PLAAT1: variants seen among roughly 807,000 people sequenced by gnomAD.
PLAAT1 encodes the protein phospholipase A and acyltransferase 1.
Under a neutral mutation model 16.4 loss-of-function variants are expected in PLAAT1, and 13 were observed. The ratio of observed to expected loss-of-function variants is 0.79; its 90% CI spans 0.52 to 1.26. The LOEUF is 1.26. Ranked by LOEUF, PLAAT1 falls within the 50% of genes most tolerant of loss-of-function variation. The pLI is 0.00. For missense variants in PLAAT1, 218 were observed against 207.8 expected, an observed-to-expected ratio of 1.05 and a Z score of -0.30; for synonymous variants, 73 against 78.4, an observed-to-expected ratio of 0.93 and a Z score of 0.36.
chr3:193,249,795 G>A (rs1716126697), intron 1 of PLAAT1, among the ~76,000 whole-genome samples: 1 of 151,234 alleles, frequency 6.6e-6, no homozygotes, highest in Non-Finnish European at 1.5e-5. Context: ...CCTCCTTATT[G>A]GTTTTTTCAT....
intron 2 of PLAAT1, among the ~76,000 whole-genome samples, chr3:193,258,874 A>C (rs1716481151): frequency 6.6e-6 from 1 of 152,130 alleles, no homozygotes; most frequent in Non-Finnish European, 1.5e-5. Flanking sequence ...CAAAAACCCC[A>C]GGAGGAGGGG....
upstream of PLAAT1, chr3:193,241,019 T>A (rs1416146174): frequency 7.8e-6 from 3 of 386,770 alleles, no homozygotes; most frequent in African/African-American, 2.1e-5. Flanking sequence ...GGGGGCGGAA[T>A]AACTGGTTGC....
rs1212871562 is a variant in PLAAT1 at position 193,255,756 on chromosome 3, G to T, written c.106G>T (p.Gly36Cys). ...PGYQHWALYL[G>C]DGYVINIAPV... ...CTATCAGCACTGGGCCCTGTACTTG[G>T]GTGATGGTTACGTTATCAACATAGC... Residue 36 changes from glycine to cysteine, a missense_variant, in exon 2 of 4, where the codon GGT (glycine) becomes TGT (cysteine). Transcript: ENST00000264735. 6.2e-7 allele frequency: 1 copy of T among 1,611,450 alleles called. No individual in the cohort carries two copies. The highest frequency in any genetic ancestry group is 1.7e-5 in the Admixed American group (1 of 59,852).
chr3:193,272,302 G>T (rs1351005092), downstream of PLAAT1, among the ~76,000 whole-genome samples: 1 of 152,022 alleles, frequency 6.6e-6, no homozygotes, highest in Non-Finnish European at 1.5e-5. Flanking sequence ...AATTAGCCAG[G>T]CGTGGTGGCG....
chr3:193,240,654 C>CGGGTGTGTGT, upstream of PLAAT1, among the ~76,000 whole-genome samples: 1 of 88,502 alleles, frequency 1.1e-5, no homozygotes, highest in Non-Finnish European at 2.2e-5. Flanking sequence ...GGCTATCTGG[C>CGGGTGTGTGT]GTGTGTGTGT....
intron 2 of PLAAT1, among the ~76,000 whole-genome samples, chr3:193,277,123 CTATG>C (rs1394785223): frequency 6.6e-6 from 1 of 152,118 alleles, no homozygotes; most frequent in Non-Finnish European, 1.5e-5. Flanking sequence ...ATTTTGGAGG[CTATG>C]TGTCTGTCTC....
At position 193,270,689 on chromosome 3, in the gene PLAAT1, G is replaced by C; in HGVS notation, c.491G>C (p.Arg164Thr). The C allele has an allele frequency of 1.1e-5, 17 of 1,613,152 alleles. No individual in the cohort carries two copies. The highest frequency in any genetic ancestry group is 1.2e-5 in the Non-Finnish European group (14 of 1,179,438). ...CTGGGCTTGTTTCCAAAAGGACAAAGAGCAAAATACTATTAACAATTTACC... is the reference window on the plus strand; with the variant it reads ...CTGGGCTTGTTTCCAAAAGGACAAACAGCAAAATACTATTAACAATTTACC... The part of the protein sequence containing the change: ...SFLGLFPKGQ[R>T]AKYY Residue 164 changes from arginine to threonine, a missense_variant, in exon 4 of 4, where the codon AGA (arginine) becomes ACA (threonine). Arg to Thr is a moderately conservative substitution (Grantham distance 71). Transcript: ENST00000264735.
upstream of PLAAT1, chr3:193,241,167 G>T (rs529848822): frequency 2.2e-5 from 27 of 1,200,880 alleles, no homozygotes; most frequent in African/African-American, 3.9e-4. Context: ...GCCAAGCGAG[G>T]TCTAGCCGGA....
In PLAAT1 at chr3:193,255,739, A is replaced by G. The variant is rs1716350137; in HGVS notation, c.89A>G (p.His30Arg). 1.2e-6 allele frequency: 2 copies of G among 1,613,170 alleles called. No individual in the cohort carries two copies. The highest frequency in any genetic ancestry group is 2.2e-5 in the South Asian group (2 of 90,916). Residue 30 changes from histidine (H) to arginine (R), a missense_variant, in exon 2 of 4, where the codon CAC becomes CGC. By Grantham distance (29) the His-to-Arg change is conservative. Coordinates refer to ENST00000264735, the MANE Select transcript of PLAAT1 (RefSeq NM_020386.5). ...LIEVFRPGYQHWALYLGDGYV... is the reference protein window; with the variant it reads ...LIEVFRPGYQRWALYLGDGYV... ...GAAGTGTTCCGTCCTGGCTATCAGCACTGGGCCCTGTACTTGGGTGATGGT... is the reference window on the plus strand; with the variant it reads ...GAAGTGTTCCGTCCTGGCTATCAGCGCTGGGCCCTGTACTTGGGTGATGGT...
At chr3:193,275,128 C>T, downstream of PLAAT1, 1 of 1,614,200 alleles carries the variant, frequency 6.2e-7, no homozygotes, top group Non-Finnish European at 8.5e-7. Flanking sequence ...CTTTCATAGC[C>T]TCCGTTGATG....
chr3:193,278,282 A>G (rs1163457275), downstream of PLAAT1, among the ~76,000 whole-genome samples: 1 of 152,166 alleles, frequency 6.6e-6, no homozygotes, highest in Non-Finnish European at 1.5e-5. Context: ...TCTCACATGT[A>G]GTCTTCCTGC....
At chr3:193,275,337 G>A, downstream of PLAAT1, 3 of 1,603,914 alleles carry the variant, frequency 1.9e-6, no homozygotes. Flanking sequence ...TCAATTTATT[G>A]CGCAGGTCCC....
At chr3:193,248,519 A>G (rs909565510) in intron 1 of PLAAT1, among the ~76,000 whole-genome samples, 3 of 151,924 alleles carry the variant, frequency 2.0e-5, no homozygotes, top group Non-Finnish European at 2.9e-5. Context: ...TTCCTTTGCA[A>G]TTTAATGATT....
chr3:193,262,963 T>C lies in PLAAT1; in HGVS notation c.140-7T>C, dbSNP rs1310587964. ...TATACCTTACTAACCAGAATTCTAC[T>C]TTATAGATGGCATTCCTGCGTCCTT... is the stretch of plus-strand genomic sequence containing the variant. On this transcript the variant is annotated splice_polypyrimidine_tract_variant and splice_region_variant and intron_variant, in intron 2 of 3. Coordinates refer to ENST00000264735, the MANE Select transcript of PLAAT1 (RefSeq NM_020386.5). 6.2e-7 allele frequency: 1 copy of C among 1,614,010 alleles called. No individual in the cohort carries two copies. The highest frequency in any genetic ancestry group is 2.2e-5 in the East Asian group (1 of 44,888).
At position 193,255,743 on chromosome 3, in the gene PLAAT1, G is replaced by C; in HGVS notation, c.93G>C (p.Trp31Cys). The change falls in exon 2 of 4, where the codon TGG becomes TGC. Residue 31 changes from tryptophan to cysteine, a missense_variant. Coordinates refer to ENST00000264735, the MANE Select transcript of PLAAT1 (RefSeq NM_020386.5). Reference sequence around the variant, plus strand: ...TGTTCCGTCCTGGCTATCAGCACTGGGCCCTGTACTTGGGTGATGGTTACG... The same window carrying C: ...TGTTCCGTCCTGGCTATCAGCACTGCGCCCTGTACTTGGGTGATGGTTACG... ...IEVFRPGYQHWALYLGDGYVI... is the reference protein window; with the variant it reads ...IEVFRPGYQHCALYLGDGYVI... The C allele has an allele frequency of 6.2e-7, 1 of 1,612,756 alleles. No individual in the cohort carries two copies. Among genetic ancestry groups the C allele is most frequent in the Non-Finnish European group, 8.5e-7 (1 of 1,179,200 alleles).
chr3:193,277,013 A>G (rs548214120), intron 2 of PLAAT1, among the ~76,000 whole-genome samples: 1 of 152,314 alleles, frequency 6.6e-6, no homozygotes, highest in East Asian at 1.9e-4. Context: ...GCAGAACCAG[A>G]ATTCAAAGGA....
rs2108772197 is a variant in PLAAT1, at chr3:193,241,245, C to T, written c.-289C>T. The T allele has an allele frequency of 1.6e-6, 2 of 1,226,132 alleles. No individual in the cohort carries two copies. Among genetic ancestry groups the T allele is most frequent in the Non-Finnish European group, 2.0e-6 (2 of 984,422 alleles). The allele number at this position is 1,226,132 out of a possible 1,614,324, so 76.0% of individuals were successfully genotyped here. ...TGGTCAGAGCCTCGTGCCGGCTCGGCAGCGCCCGGACGCCGAGCCCAGCGC... is the reference window on the plus strand; with the variant it reads ...TGGTCAGAGCCTCGTGCCGGCTCGGTAGCGCCCGGACGCCGAGCCCAGCGC... On this transcript the variant is annotated 5_prime_UTR_variant, in exon 1 of 4. Transcript: ENST00000264735.
chr3:193,274,994 T>G (rs1181879179), downstream of PLAAT1: 2 of 1,602,126 alleles, frequency 1.2e-6, no homozygotes, highest in Admixed American at 3.4e-5. Context: ...ATGTGTTAAT[T>G]TTGGGGAAAA....
downstream of PLAAT1, among the ~76,000 whole-genome samples, chr3:193,271,575 T>G (rs1471215517): frequency 1.3e-5 from 2 of 152,232 alleles, no homozygotes; most frequent in Non-Finnish European, 2.9e-5. Context: ...AGTGAAATTC[T>G]TGGTTGCAGC....
Sources: gnomAD v4.1 joint callset for allele counts (sites outside exome capture counted in the v4.1 genomes callset) on GRCh38, gnomAD v4.1.1 for gene constraint, MANE v1.5 for transcripts, NCBI Gene and HGNC (gene_info 2026-07-23, HGNC 2026-07-21) for gene names.